LARP1: variants seen among roughly 807,000 people sequenced by gnomAD.
LARP1 encodes the protein La ribonucleoprotein 1, translational regulator.
In LARP1, 36 loss-of-function variants were observed where a neutral mutation model predicts 122.7. The ratio of observed to expected loss-of-function variants is 0.29; its 90% confidence interval spans 0.22 to 0.39. The LOEUF is 0.39. LARP1 is among the 10% of genes least tolerant of loss of function. The probability of loss-of-function intolerance (pLI) is 1.00; values close to 1 mark genes in which losing one functional copy is unlikely to be tolerated. For missense variants in LARP1, 1,040 were observed against 1,403.6 expected (o/e 0.74, Z 4.14); for synonymous variants, 539 against 528.7 (o/e 1.02, Z -0.27).
chr5:154,690,129 C>T (rs1367960706), intron 1 of LARP1, among the ~76,000 whole-genome samples: 2 of 150,832 alleles, frequency 1.3e-5, no homozygotes, highest in Non-Finnish European at 1.5e-5. Context: ...GGACTACACA[C>T]CTCAGGCCTT....
intron 1 of LARP1, among the ~76,000 whole-genome samples, chr5:154,727,937 G>A (rs1367058716): frequency 1.3e-5 from 2 of 152,130 alleles, no homozygotes; most frequent in African/African-American, 4.8e-5. Context: ...GCATGGTGGT[G>A]TGTGCCTGTA....
rs758777370 is a variant in LARP1 at position 154,803,588 on chromosome 5, C to T, written c.2282C>T (p.Ser761Phe). 57 of 1,614,044 alleles carry T rather than the reference C, an allele frequency of 3.5e-5. No homozygotes were observed. The highest frequency in any genetic ancestry group is 4.8e-5 in the Non-Finnish European group (57 of 1,180,040). The change falls in exon 13 of 19, where the codon TCC (serine) becomes TTC (phenylalanine). Residue 761 changes from serine to phenylalanine, a missense_variant. Physicochemically the swap from Ser to Phe is radical, Grantham distance 155. Transcript: ENST00000518297. This position sits in a 1 kb window ranked among gnomAD's most constrained non-coding sequence, Gnocchi z 4.4. ...AAGTTGTTTGGTGCTCCTGAGCCCT[C>T]CACCATCGCCCGCTCTCTACCAACC... ...ANKLFGAPEP[S>F]TIARSLPTTV...
chr5:154,697,736 G>A (rs1240899099), intron 1 of LARP1, among the ~76,000 whole-genome samples: 2 of 152,308 alleles, frequency 1.3e-5, no homozygotes, highest in East Asian at 3.9e-4. Context: ...AATTAGATTC[G>A]TGTTTACTTA....
At chr5:154,717,431 T>G (rs996293531) in intron 1 of LARP1, among the ~76,000 whole-genome samples, 7 of 152,204 alleles carry the variant, frequency 4.6e-5, no homozygotes, top group African/African-American at 1.7e-4. Context: ...ATGGCACCTG[T>G]TTGGGTTTCT....
chr5:154,810,658 T>C (rs1055414594), intron 16 of LARP1, among the ~76,000 whole-genome samples: 5 of 151,904 alleles, frequency 3.3e-5, no homozygotes, highest in South Asian at 2.1e-4. Flanking sequence ...TGGCTAATTT[T>C]TGTATTTTGG....
In LARP1 at chr5:154,813,916, GC is replaced by G; in HGVS notation, c.3112del (p.Arg1038AspfsTer5). The G allele has an allele frequency of 6.2e-7, 1 of 1,614,100 alleles. No homozygotes were observed. The highest frequency in any genetic ancestry group is 8.5e-7 in the Non-Finnish European group (1 of 1,179,986). The stretch of plus-strand genomic sequence containing the variant: ...CCATGGGTGAGGAGGGCAACCACAA[GC>G]GACACTCAGTGGTAGCAGGAGGTGG... Reference protein sequence around the residue: ...PPMGEEGNHKRHSVVAGGGGG... With the variant: ...PPMGEEGNHKXHSVVAGGGGG... On this transcript the variant is annotated frameshift_variant, in exon 19 of 19. Coordinates refer to ENST00000518297, the MANE Select transcript of LARP1 (RefSeq NM_033551.3). LOFTEE classifies it high-confidence loss of function.
chr5:154,757,160 C>G (rs548502061), intron 1 of LARP1: 2 of 151,306 alleles, frequency 1.3e-5, no homozygotes, highest in South Asian at 2.1e-4. Context: ...CAGCATTCCT[C>G]TGCAGCCGGG....
intron 1 of LARP1, among the ~76,000 whole-genome samples, chr5:154,705,913 C>T (rs1393485308): frequency 6.6e-6 from 1 of 152,148 alleles, no homozygotes; most frequent in Non-Finnish European, 1.5e-5. Context: ...AAGACATATA[C>T]ACTCACATGT....
chr5:154,778,973 CAG>C (rs955128945), intron 1 of LARP1, among the ~76,000 whole-genome samples: 1 of 152,196 alleles, frequency 6.6e-6, no homozygotes, highest in African/African-American at 2.4e-5. Flanking sequence ...TTAGATTTAA[CAG>C]AGTGTCCTGA....
chr5:154,707,680 T>C (rs964039280), intron 1 of LARP1, among the ~76,000 whole-genome samples: 1 of 152,184 alleles, frequency 6.6e-6, no homozygotes, highest in Non-Finnish European at 1.5e-5. Context: ...ATTACATTTA[T>C]TGTGCACTTT....
At chr5:154,685,072 C>T (rs556570929) in intron 1 of LARP1, among the ~76,000 whole-genome samples, 3 of 152,174 alleles carry the variant, frequency 2.0e-5, no homozygotes, top group East Asian at 1.9e-4. Flanking sequence ...GGTGAAACTT[C>T]GTCTCTACTG....
At chr5:154,698,309 T>C (rs963332574) in intron 1 of LARP1, among the ~76,000 whole-genome samples, 2 of 152,160 alleles carry the variant, frequency 1.3e-5, no homozygotes, top group Non-Finnish European at 2.9e-5. Flanking sequence ...CTAAAATCTA[T>C]TGTATGGCGG....
intron 1 of LARP1, among the ~76,000 whole-genome samples, chr5:154,690,625 C>G (rs1582141152): frequency 6.6e-6 from 1 of 152,246 alleles, no homozygotes; most frequent in African/African-American, 2.4e-5. Flanking sequence ...ACGCACCCTC[C>G]CTGCCTGGGT....
At chr5:154,770,837 G>A (rs1042843134) in intron 1 of LARP1, among the ~76,000 whole-genome samples, 3 of 151,962 alleles carry the variant, frequency 2.0e-5, no homozygotes, top group Admixed American at 2.0e-4. Flanking sequence ...TCCTGGCCGG[G>A]CACGGTGGCT....
At chr5:154,729,686 G>A (rs894065835) in intron 1 of LARP1, 17 of 337,462 alleles carry the variant, frequency 5.0e-5, no homozygotes, top group South Asian at 4.2e-4. Context: ...CTATGAATTC[G>A]TGGCATAATA....
chr5:154,755,192 G>T (rs1753735559), upstream of LARP1, among the ~76,000 whole-genome samples: 2 of 149,678 alleles, frequency 1.3e-5, no homozygotes, highest in Admixed American at 1.3e-4. Context: ...CGAGGGGCAG[G>T]ACCGCGTAGC....
At chr5:154,690,022 C>G (rs892812162) in intron 1 of LARP1, among the ~76,000 whole-genome samples, 1 of 152,044 alleles carries the variant, frequency 6.6e-6, no homozygotes, top group Non-Finnish European at 1.5e-5. Context: ...GGCTGGGTGA[C>G]AGAGCCAGAC....
intron 3 of LARP1, among the ~76,000 whole-genome samples, chr5:154,791,390 A>G (rs1231240787): frequency 1.3e-5 from 2 of 150,032 alleles, no homozygotes; most frequent in South Asian, 4.2e-4. Context: ...ATTTTTGTAT[A>G]TTTTAGAGAC....
At chr5:154,683,872 T>C (rs1753801769) in intron 1 of LARP1, among the ~76,000 whole-genome samples, 1 of 152,196 alleles carries the variant, frequency 6.6e-6, no homozygotes, top group South Asian at 2.1e-4. Context: ...AAATGGGAGA[T>C]GATTTGGAGC....
Sources: allele counts gnomAD v4.1 joint callset (sites outside exome capture counted in the v4.1 genomes callset), GRCh38; gene constraint gnomAD v4.1.1; non-coding constraint Gnocchi (gnomAD v3.1); transcripts MANE v1.5; gene names NCBI Gene and HGNC (gene_info 2026-07-23, HGNC 2026-07-21).